UBE2E2: variants seen among roughly 807,000 people sequenced by gnomAD.
UBE2E2 encodes the protein ubiquitin-conjugating enzyme E2 E2.
A neutral mutation model predicts 24.7 loss-of-function variants in UBE2E2; 6 were observed. The ratio of observed to expected loss-of-function variants is 0.24; its 90% CI spans 0.13 to 0.48. The LOEUF (loss-of-function observed/expected upper bound fraction) is 0.48. Among genes scored for constraint, UBE2E2 ranks in the 20% least tolerant of loss-of-function variants. The pLI, the probability that UBE2E2 is intolerant of heterozygous loss-of-function variation, is 0.99. For synonymous variants in UBE2E2, 104 were observed against 83.6 expected (o/e 1.24, Z -1.33); for missense variants, 169 against 245.0 (o/e 0.69, Z 2.07).
intron 3 of UBE2E2, among the ~76,000 whole-genome samples, chr3:23,494,646 G>A (rs973875762): frequency 1.3e-5 from 2 of 152,184 alleles, no homozygotes; most frequent in African/African-American, 4.8e-5. Flanking sequence ...GGGATTTCAA[G>A]TGATACATTT....
At chr3:23,567,425 A>G (rs1696104029) in intron 5 of UBE2E2, among the ~76,000 whole-genome samples, 1 of 152,206 alleles carries the variant, frequency 6.6e-6, no homozygotes, top group African/African-American at 2.4e-5. Flanking sequence ...TACTGAATAC[A>G]GACTAAATGT....
chr3:23,346,722 T>G (rs909538678), intron 3 of UBE2E2, among the ~76,000 whole-genome samples: 2 of 152,220 alleles, frequency 1.3e-5, no homozygotes, highest in African/African-American at 4.8e-5. Flanking sequence ...TTTTCCTTTC[T>G]TTTCGGTATG....
At chr3:23,525,077 C>G (rs905304253) in intron 4 of UBE2E2, among the ~76,000 whole-genome samples, 1 of 152,160 alleles carries the variant, frequency 6.6e-6, no homozygotes, top group African/African-American at 2.4e-5. Flanking sequence ...TTTTCAGCTT[C>G]TAGAGGCCAA....
chr3:23,263,057 G>T (rs1302441112), intron 3 of UBE2E2, among the ~76,000 whole-genome samples: 1 of 152,178 alleles, frequency 6.6e-6, no homozygotes, highest in Non-Finnish European at 1.5e-5. Context: ...CAGAACAAGA[G>T]ATGGAGAGAA....
intron 3 of UBE2E2, among the ~76,000 whole-genome samples, chr3:23,334,282 T>A (rs1042950269): frequency 2.0e-5 from 3 of 151,720 alleles, no homozygotes; most frequent in African/African-American, 7.3e-5. Context: ...AACTTACTAG[T>A]ACTTTGGGGA....
intron 3 of UBE2E2, among the ~76,000 whole-genome samples, chr3:23,288,989 CTT>C (rs1367287147): frequency 1.3e-5 from 2 of 152,196 alleles, no homozygotes; most frequent in African/African-American, 2.4e-5. Flanking sequence ...TTCAGTGACT[CTT>C]TTAGCAATAT....
chr3:23,569,113 A>G (rs1473726589), intron 5 of UBE2E2, among the ~76,000 whole-genome samples: 2 of 152,216 alleles, frequency 1.3e-5, no homozygotes, highest in Non-Finnish European at 2.9e-5. Flanking sequence ...GATAAATATA[A>G]CTGATATATT....
intron 3 of UBE2E2, among the ~76,000 whole-genome samples, chr3:23,336,957 T>C (rs28756798): frequency 1.4e-3 from 206 of 152,106 alleles, no homozygotes; most frequent in Middle Eastern, 0.01. Flanking sequence ...CTGGGCAACA[T>C]GATGAAACCC....
chr3:23,589,908 C>T lies in UBE2E2; in HGVS notation c.*77C>T, dbSNP rs905687587. The T allele has an allele frequency of 5.8e-6, 8 of 1,371,314 alleles. No homozygotes were observed. The African/African-American group carries it at 8.6e-5, about 15-fold the overall frequency. 84.9% of individuals were successfully genotyped at this position (1,371,314 alleles called of 1,614,324 possible). The stretch of plus-strand genomic sequence containing the variant: ...GCATCGGTAGCCCTGCCCACCCCTC[C>T]AGACCTCGGTTCTTATTTTCCTATT... On this transcript the variant is annotated 3_prime_UTR_variant, in exon 6 of 6. Transcript: ENST00000396703. This position sits in a 1 kb window ranked among gnomAD's most constrained non-coding sequence, Gnocchi z 4.1.
chr3:23,333,698 A>AGTAG (rs1181515578), intron 3 of UBE2E2, among the ~76,000 whole-genome samples: 1 of 152,234 alleles, frequency 6.6e-6, no homozygotes, highest in African/African-American at 2.4e-5. Context: ...TGTTAGTAAT[A>AGTAG]GTAGGAGCAG....
rs539267676 is a variant in UBE2E2 at position 23,517,885 on chromosome 3, G to A, written c.361-14669G>A. Among the ~76,000 whole-genome samples the A allele has an allele frequency of 3.3e-5, 5 of 152,142 alleles. No homozygotes were observed. The South Asian group carries it at 6.2e-4, about 19-fold the overall frequency. Reference sequence around the variant, plus strand: ...CAAATTATATGGAAAGGAAAACAGCGGCCTAGAGTGTTTATTTAAGATAGT... The same window carrying A: ...CAAATTATATGGAAAGGAAAACAGCAGCCTAGAGTGTTTATTTAAGATAGT... On this transcript the variant is annotated intron_variant, in intron 4 of 5. Transcript: ENST00000396703.
intron 3 of UBE2E2, among the ~76,000 whole-genome samples, chr3:23,310,852 T>C (rs1694363506): frequency 6.6e-6 from 1 of 152,192 alleles, no homozygotes. Flanking sequence ...ATTCCTAGAC[T>C]GTGTAGCATG....
chr3:23,439,719 GTTTATT>G (rs1221840120), intron 3 of UBE2E2, among the ~76,000 whole-genome samples: 3 of 152,066 alleles, frequency 2.0e-5, no homozygotes, highest in Non-Finnish European at 4.4e-5. Context: ...ATTTTAATGT[GTTTATT>G]TTTATTTTAA....
chr3:23,424,254 A>G (rs919533400), intron 3 of UBE2E2, among the ~76,000 whole-genome samples: 1 of 152,226 alleles, frequency 6.6e-6, no homozygotes, highest in African/African-American at 2.4e-5. Flanking sequence ...AATCTGCAGT[A>G]TAATATTAAT....
At chr3:23,401,089 G>T (rs895873762) in intron 3 of UBE2E2, among the ~76,000 whole-genome samples, 1 of 152,178 alleles carries the variant, frequency 6.6e-6, no homozygotes, top group African/African-American at 2.4e-5. Context: ...TTTAAGCTAT[G>T]GGCTTGAGTG....
chr3:23,450,512 A>G (rs1160141399), intron 3 of UBE2E2, among the ~76,000 whole-genome samples: 1 of 152,208 alleles, frequency 6.6e-6, no homozygotes, highest in Non-Finnish European at 1.5e-5. Flanking sequence ...TTATCATCTC[A>G]GAAAAATTTG....
chr3:23,344,394 A>T (rs745870319), intron 3 of UBE2E2, among the ~76,000 whole-genome samples: 2 of 152,160 alleles, frequency 1.3e-5, no homozygotes, highest in Non-Finnish European at 2.9e-5. Flanking sequence ...GAGCCACAAA[A>T]ACCTTGCGCC....
chr3:23,540,500 G>A (rs914342509), intron 5 of UBE2E2, among the ~76,000 whole-genome samples: 7 of 152,108 alleles, frequency 4.6e-5, no homozygotes, highest in Non-Finnish European at 1.5e-5. Flanking sequence ...CACTTGCTGG[G>A]TTCAAGCAAT....
At chr3:23,483,531 C>T (rs1316659979) in intron 3 of UBE2E2, among the ~76,000 whole-genome samples, 1 of 152,172 alleles carries the variant, frequency 6.6e-6, no homozygotes, top group Non-Finnish European at 1.5e-5. Context: ...AGAAGATGCT[C>T]AGTAAATGGT....
Sources: allele counts gnomAD v4.1 joint callset (sites outside exome capture counted in the v4.1 genomes callset), GRCh38; gene constraint gnomAD v4.1.1; non-coding constraint Gnocchi (gnomAD v3.1); transcripts MANE v1.5; gene names NCBI Gene and HGNC (gene_info 2026-07-23, HGNC 2026-07-21).